Variants in AGBL4 observed in about 807,000 individuals in gnomAD.
The protein encoded by AGBL4 is AGBL carboxypeptidase 4.
A neutral mutation model predicts 66.4 loss-of-function variants in AGBL4; 58 were observed. The observed-to-expected ratio is 0.87, with a 90% CI of 0.71 to 1.09. The LOEUF (loss-of-function observed/expected upper bound fraction) is 1.09. AGBL4 is among the 50% of genes least tolerant of loss of function. AGBL4 has a pLI of 0.00. For synonymous variants in AGBL4, 234 were observed against 222.9 expected (o/e 1.05, Z -0.44); for missense variants, 579 against 631.0 (o/e 0.92, Z 0.88).
rs113276454 is a variant in AGBL4 at position 49,753,082 on chromosome 1, T to C, written c.158-55645A>G. ...AGCCCATTTACATTTAAGATTAATA[T>C]AGTTATGTGTGAATTGGATCCTGTC... On this transcript the variant is annotated intron_variant, in intron 2 of 13. Coordinates refer to ENST00000371839, the MANE Select transcript of AGBL4 (RefSeq NM_032785.4). 2.1e-3 allele frequency among the ~76,000 whole-genome samples: 317 copies of C among 152,344 alleles called. 4 individuals carry two copies. The highest frequency in any genetic ancestry group is 7.1e-3 in the African/African-American group (294 of 41,590).
intron 5 of AGBL4, among the ~76,000 whole-genome samples, chr1:48,886,166 G>A (rs1650316999): frequency 6.6e-6 from 1 of 152,036 alleles, no homozygotes; most frequent in Admixed American, 6.6e-5. Context: ...AACTGTGCAT[G>A]TGCTGAGACT....
intron 3 of AGBL4, among the ~76,000 whole-genome samples, chr1:49,437,719 T>C (rs1645933441): frequency 6.6e-6 from 1 of 151,386 alleles, no homozygotes; most frequent in Admixed American, 6.6e-5. Context: ...CTGAAAGCGT[T>C]ATTTTTTGCT....
chr1:49,714,971 A>T (rs961289219), intron 2 of AGBL4, among the ~76,000 whole-genome samples: 7 of 151,246 alleles, frequency 4.6e-5, no homozygotes, highest in Non-Finnish European at 8.9e-5. Context: ...ATTTTTAAAA[A>T]TTTTTTCAAT....
chr1:49,252,016 G>T (rs538533855), intron 3 of AGBL4, among the ~76,000 whole-genome samples: 1 of 152,240 alleles, frequency 6.6e-6, no homozygotes, highest in East Asian at 1.9e-4. Flanking sequence ...TCCTCCAAAT[G>T]ACCACATCAC....
rs1291917128 is a variant in AGBL4 at position 48,751,466 on chromosome 1, C to A, written c.635-88225G>T. On this transcript the variant is annotated intron_variant, in intron 6 of 13. Transcript: ENST00000371839. ...CCTCAGTTTTGAAACCTGGTTCTAC[C>A]CTTTCCTGGGTGTGTGGCCTCAGGC... Among the ~76,000 whole-genome samples the A allele has an allele frequency of 3.9e-5, 6 of 152,192 alleles. No individual in the cohort carries two copies. The East Asian group carries it at 1.2e-3, about 29-fold the overall frequency.
intron 6 of AGBL4, chr1:48,776,549 T>A: frequency 3.3e-4 from 232 of 701,254 alleles, no homozygotes; most frequent in Middle Eastern, 1.1e-3. Context: ...CCCCGGCCCC[T>A]CCCGGGGTCC....
intron 6 of AGBL4, among the ~76,000 whole-genome samples, chr1:48,731,464 A>G (rs1035707919): frequency 6.6e-5 from 10 of 152,200 alleles, no homozygotes; most frequent in African/African-American, 2.4e-4. Flanking sequence ...CTAGGAGGCA[A>G]AGATACAGTA....
At chr1:49,237,896 C>T (rs1173587374) in intron 4 of AGBL4, among the ~76,000 whole-genome samples, 2 of 151,766 alleles carry the variant, frequency 1.3e-5, no homozygotes, top group South Asian at 4.2e-4. Flanking sequence ...AGTCTGCTGG[C>T]AAAAATACCT....
intron 6 of AGBL4, among the ~76,000 whole-genome samples, chr1:48,796,871 T>TA (rs2148737102): frequency 6.6e-6 from 1 of 152,234 alleles, no homozygotes; most frequent in East Asian, 1.9e-4. Flanking sequence ...ATGTGATAAA[T>TA]ATAGCATCTT....
At chr1:49,509,595 G>C (rs1649017804) in intron 3 of AGBL4, among the ~76,000 whole-genome samples, 1 of 151,882 alleles carries the variant, frequency 6.6e-6, no homozygotes, top group Non-Finnish European at 1.5e-5. Context: ...TTTGCATTTT[G>C]AATTAAAAAC....
intron 2 of AGBL4, among the ~76,000 whole-genome samples, chr1:49,809,456 G>C (rs1400968467): frequency 6.6e-6 from 1 of 151,914 alleles, no homozygotes; most frequent in Non-Finnish European, 1.5e-5. Flanking sequence ...AGAGTTGGTG[G>C]AACTATTATA....
At chr1:48,750,682 C>CA (rs1189496104) in intron 6 of AGBL4, among the ~76,000 whole-genome samples, 1 of 152,210 alleles carries the variant, frequency 6.6e-6, no homozygotes, top group Non-Finnish European at 1.5e-5. Flanking sequence ...GTTCCCTGCA[C>CA]AAAAACATTT....
intron 4 of AGBL4, among the ~76,000 whole-genome samples, chr1:49,094,066 G>A (rs1645047818): frequency 6.6e-6 from 1 of 152,156 alleles, no homozygotes; most frequent in Non-Finnish European, 1.5e-5. Flanking sequence ...GAAAACTAGA[G>A]CTCTGGCTAA....
At chr1:49,849,023 T>G (rs1017197863) in intron 2 of AGBL4, among the ~76,000 whole-genome samples, 1 of 152,124 alleles carries the variant, frequency 6.6e-6, no homozygotes, top group African/African-American at 2.4e-5. Flanking sequence ...CTGGACAACA[T>G]GGTTAAAAAA....
chr1:48,658,012 C>G (rs562001447), intron 7 of AGBL4, among the ~76,000 whole-genome samples: 37 of 152,290 alleles, frequency 2.4e-4, no homozygotes, highest in African/African-American at 8.9e-4. Flanking sequence ...GGAAAATACT[C>G]AAGACCTATG....
chr1:49,551,098 CT>C (rs1181447168), intron 3 of AGBL4, among the ~76,000 whole-genome samples: 2 of 152,178 alleles, frequency 1.3e-5, no homozygotes, highest in East Asian at 3.9e-4. Flanking sequence ...ATTGCTGAGA[CT>C]TTCCAGAGCA....
chr1:49,670,167 A>C (rs1646449308), intron 3 of AGBL4, among the ~76,000 whole-genome samples: 1 of 152,136 alleles, frequency 6.6e-6, no homozygotes, highest in Non-Finnish European at 1.5e-5. Context: ...ATTCTTTAAA[A>C]ATCATCAGAG....
At chr1:49,948,580 TATAG>T (rs1480808024) in intron 1 of AGBL4, among the ~76,000 whole-genome samples, 64 of 126,848 alleles carry the variant, frequency 5.0e-4, no homozygotes, top group South Asian at 1.2e-3. Flanking sequence ...TATATATATA[TATAG>T]AGAGAGAGAG....
chr1:48,594,634 G>T (rs1394328946), intron 9 of AGBL4, among the ~76,000 whole-genome samples: 1 of 151,788 alleles, frequency 6.6e-6, no homozygotes, highest in Admixed American at 6.6e-5. Flanking sequence ...TTTTACTGTT[G>T]CTTCCATTTT....
Sources: gnomAD v4.1 joint callset for allele counts (sites outside exome capture counted in the v4.1 genomes callset) on GRCh38, gnomAD v4.1.1 for gene constraint, MANE v1.5 for transcripts, NCBI Gene and HGNC (gene_info 2026-07-23, HGNC 2026-07-21) for gene names.